The following PACRG variants were observed in gnomAD, a reference collection of about 807,000 sequenced individuals.
The protein encoded by PACRG is parkin coregulated, also known as parkin coregulated gene protein.
Under a neutral mutation model 29.7 loss-of-function variants are expected in PACRG, and 29 were observed. The observed-to-expected ratio is 0.98, with a 90% CI of 0.73 to 1.33. The LOEUF is 1.33. Ranked by LOEUF, PACRG falls within the 40% of genes most tolerant of loss-of-function variation. The pLI, the probability that PACRG is intolerant of heterozygous loss-of-function variation, is 0.00. For synonymous variants in PACRG, 116 were observed against 118.7 expected (o/e 0.98, Z 0.15); for missense variants, 279 against 316.2 (o/e 0.88, Z 0.89).
intron 2 of PACRG, among the ~76,000 whole-genome samples, chr6:162,943,589 C>T (rs900299293): frequency 6.6e-6 from 1 of 152,132 alleles, no homozygotes; most frequent in African/African-American, 2.4e-5. Flanking sequence ...ATCACCCTGT[C>T]ACTGCCTACC....
intron 4 of PACRG, among the ~76,000 whole-genome samples, chr6:163,099,612 A>T (rs1366305967): frequency 1.3e-5 from 2 of 152,166 alleles, no homozygotes; most frequent in African/African-American, 4.8e-5. Context: ...ATTTTCCTTT[A>T]TATGCAAATC....
At chr6:162,890,154 C>A (rs1390955397) in intron 2 of PACRG, among the ~76,000 whole-genome samples, 4 of 152,198 alleles carry the variant, frequency 2.6e-5, no homozygotes, top group Non-Finnish European at 5.9e-5. Context: ...ACATAAAATG[C>A]AGCCTAGTTT....
chr6:162,896,518 G>A (rs1795176996), intron 2 of PACRG, among the ~76,000 whole-genome samples: 1 of 152,206 alleles, frequency 6.6e-6, no homozygotes, highest in Admixed American at 6.5e-5. Flanking sequence ...GGAGTCACAG[G>A]CAAATCCGTG....
intron 2 of PACRG, among the ~76,000 whole-genome samples, chr6:162,961,206 G>A (rs747015687): frequency 5.6e-4 from 85 of 152,186 alleles, no homozygotes; most frequent in Non-Finnish European, 1.1e-3. Context: ...CTGACATATT[G>A]TGTCATCCCT....
At chr6:163,243,951 A>G (rs991227941) in intron 4 of PACRG, among the ~76,000 whole-genome samples, 1 of 152,226 alleles carries the variant, frequency 6.6e-6, no homozygotes, top group Non-Finnish European at 1.5e-5. Flanking sequence ...CAAACAGAGT[A>G]AGCAGAGACT....
intron 2 of PACRG, among the ~76,000 whole-genome samples, chr6:163,015,717 A>G (rs1198450644): frequency 1.3e-5 from 2 of 152,134 alleles, no homozygotes; most frequent in African/African-American, 4.8e-5. Flanking sequence ...ACTCTGCTGA[A>G]ATAGTTTATC....
chr6:163,097,322 G>A (rs1338092828), intron 4 of PACRG, among the ~76,000 whole-genome samples: 1 of 152,184 alleles, frequency 6.6e-6, no homozygotes, highest in East Asian at 1.9e-4. Flanking sequence ...CTGCCAGGAG[G>A]ATACAGAGTT....
At chr6:163,240,715 G>A (rs1270123426) in intron 4 of PACRG, among the ~76,000 whole-genome samples, 1 of 152,176 alleles carries the variant, frequency 6.6e-6, no homozygotes, top group Non-Finnish European at 1.5e-5. Context: ...TAAACTCCTT[G>A]TTCATGGAAT....
chr6:162,775,130 T>C (rs1783541494), intron 1 of PACRG, among the ~76,000 whole-genome samples: 2 of 152,090 alleles, frequency 1.3e-5, no homozygotes, highest in Non-Finnish European at 2.9e-5. Flanking sequence ...GAGAATTTGT[T>C]CTCCCCTTCC....
intron 2 of PACRG, among the ~76,000 whole-genome samples, chr6:162,832,055 T>G (rs891303634): frequency 3.3e-5 from 5 of 152,238 alleles, no homozygotes; most frequent in African/African-American, 9.6e-5. Context: ...AATGTATGTC[T>G]GGCTCTAGGT....
At position 163,290,925 on chromosome 6, in the gene PACRG, G is replaced by A. The variant is rs143053371; in HGVS notation, c.614-23902G>A. Among the ~76,000 whole-genome samples the A allele has an allele frequency of 3.9e-3, 601 of 152,308 alleles. 3 individuals carry two copies. The highest frequency in any genetic ancestry group is 0.013 in the African/African-American group (537 of 41,556). ...TGGGGCCTCCTCTCTGCCTCTGACT[G>A]GCCTCTTTGCCCCTCTGCTTTCCTG... On this transcript the variant is annotated intron_variant, in intron 4 of 4. Transcript: ENST00000366888.
chr6:163,004,963 C>A (rs1190456157), intron 2 of PACRG, among the ~76,000 whole-genome samples: 5 of 151,710 alleles, frequency 3.3e-5, no homozygotes, highest in Non-Finnish European at 2.9e-5. Flanking sequence ...ATGAAGAATG[C>A]CAGCTTTATA....
At chr6:163,165,052 G>A (rs938820284) in intron 4 of PACRG, among the ~76,000 whole-genome samples, 2 of 151,990 alleles carry the variant, frequency 1.3e-5, no homozygotes, top group African/African-American at 2.4e-5. Flanking sequence ...GGTCTATGGG[G>A]GTTTAAAAAA....
intron 4 of PACRG, among the ~76,000 whole-genome samples, chr6:163,102,094 C>T (rs983550115): frequency 6.6e-6 from 1 of 152,102 alleles, no homozygotes; most frequent in Non-Finnish European, 1.5e-5. Flanking sequence ...TGTACAGCCA[C>T]GGAAGGCCTG....
At chr6:162,907,140 A>G (rs1234289019) in intron 2 of PACRG, among the ~76,000 whole-genome samples, 1 of 152,182 alleles carries the variant, frequency 6.6e-6, no homozygotes, top group Admixed American at 6.5e-5. Context: ...TATATGAATG[A>G]TTTGCATGTA....
chr6:163,069,798 C>G (rs1811879459), intron 3 of PACRG, among the ~76,000 whole-genome samples: 1 of 151,960 alleles, frequency 6.6e-6, no homozygotes, highest in Non-Finnish European at 1.5e-5. Context: ...ATATTAATAT[C>G]TAAGTACAAG....
At chr6:162,899,295 G>A (rs1476210622) in intron 2 of PACRG, among the ~76,000 whole-genome samples, 2 of 152,164 alleles carry the variant, frequency 1.3e-5, no homozygotes, top group Non-Finnish European at 2.9e-5. Context: ...CAGGCAGTGT[G>A]AAGACAGGAG....
chr6:163,083,011 G>A (rs981380042), intron 3 of PACRG, among the ~76,000 whole-genome samples: 2 of 152,286 alleles, frequency 1.3e-5, no homozygotes, highest in Admixed American at 6.5e-5. Context: ...CTGTAGAAAG[G>A]TTGGAATAGT....
chr6:163,276,012 T>TTCCTTCCTTCCTTCC (rs1218623098), intron 4 of PACRG, among the ~76,000 whole-genome samples: 10 of 138,192 alleles, frequency 7.2e-5, no homozygotes, highest in East Asian at 4.0e-4. Context: ...TCCTTCCTTC[T>TTCCTTCCTTCCTTCC]TTCTTTCTTT....
Sources: gnomAD v4.1 joint callset for allele counts (sites outside exome capture counted in the v4.1 genomes callset) on GRCh38, gnomAD v4.1.1 for gene constraint, MANE v1.5 for transcripts, NCBI Gene and HGNC (gene_info 2026-07-23, HGNC 2026-07-21) for gene names.